Variants in PRMT3 observed in about 807,000 individuals in gnomAD.
The protein encoded by PRMT3 is protein arginine methyltransferase 3.
In PRMT3, 62 loss-of-function variants were observed where a neutral mutation model predicts 71.9. The ratio of observed to expected loss-of-function variants is 0.86; its 90% CI spans 0.70 to 1.07. The LOEUF is 1.07. Ranked by LOEUF, PRMT3 falls within the 50% of genes least tolerant of loss-of-function variation. The pLI, the probability that PRMT3 is intolerant of heterozygous loss-of-function variation, is 0.00. For missense variants in PRMT3, 663 were observed against 643.0 expected (o/e 1.03, Z -0.34); for synonymous variants, 213 against 220.4 (o/e 0.97, Z 0.30).
At chr11:20,460,945 G>C (rs1850369578) in intron 11 of PRMT3, among the ~76,000 whole-genome samples, 2 of 152,080 alleles carry the variant, frequency 1.3e-5, no homozygotes, top group African/African-American at 2.4e-5. Flanking sequence ...ATTTGTCTCT[G>C]TTTTCATCTT....
chr11:20,424,550 T>C (rs910024700), intron 9 of PRMT3, among the ~76,000 whole-genome samples: 3 of 152,062 alleles, frequency 2.0e-5, no homozygotes, highest in Non-Finnish European at 4.4e-5. Context: ...AAGATACATA[T>C]GGGAAAATTA....
At chr11:20,476,004 T>C (rs550691105) in intron 13 of PRMT3, among the ~76,000 whole-genome samples, 2 of 151,930 alleles carry the variant, frequency 1.3e-5, no homozygotes, top group Admixed American at 6.6e-5. Flanking sequence ...TAAACAAATA[T>C]TAAATGCTGA....
intron 10 of PRMT3, among the ~76,000 whole-genome samples, chr11:20,427,535 G>C (rs1228880224): frequency 6.6e-6 from 1 of 152,078 alleles, no homozygotes; most frequent in Non-Finnish European, 1.5e-5. Context: ...GACCAGCCTG[G>C]CCAACGTGAT....
chr11:20,399,871 C>T (rs971849348), intron 7 of PRMT3, among the ~76,000 whole-genome samples: 1 of 152,178 alleles, frequency 6.6e-6, no homozygotes, highest in African/African-American at 2.4e-5. Flanking sequence ...TTTCCAGTGC[C>T]ACCTTCTCCC....
chr11:20,474,506 CTG>C (rs1188070753), intron 13 of PRMT3, among the ~76,000 whole-genome samples: 3 of 152,220 alleles, frequency 2.0e-5, no homozygotes, highest in Non-Finnish European at 4.4e-5. Flanking sequence ...TCCTGAGTCT[CTG>C]TGTATGCCCC....
chr11:20,444,743 G>C (rs896317539), intron 10 of PRMT3, among the ~76,000 whole-genome samples: 1 of 151,964 alleles, frequency 6.6e-6, no homozygotes, highest in Non-Finnish European at 1.5e-5. Context: ...GGAGTGTTAC[G>C]TAATTACCAT....
At chr11:20,468,248 T>C (rs964135793) in intron 13 of PRMT3, among the ~76,000 whole-genome samples, 1 of 152,212 alleles carries the variant, frequency 6.6e-6, no homozygotes, top group East Asian at 1.9e-4. Context: ...TTAAATGCTT[T>C]TCTTCTTGTG....
In PRMT3 at chr11:20,462,022, A is replaced by T. The variant is rs1451744124; in HGVS notation, c.1115A>T (p.Asp372Val). The T allele has an allele frequency of 1.2e-6, 2 of 1,611,288 alleles. No individual in the cohort carries two copies. Among genetic ancestry groups the T allele is most frequent in the East Asian group, 4.5e-5 (2 of 44,802 alleles). ...ACTATCAGCCTTGTAGCAGTGAGTG[A>T]TGTGAATAAACATGCTGATAGAATT... ...ICTISLVAVS[D>V]VNKHADRIAF... is the part of the protein sequence containing the mutation. The change falls in exon 12 of 16, where the codon GAT (aspartate) becomes GTT (valine). Residue 372 changes from aspartate to valine, a missense_variant. Physicochemically the swap from Asp to Val is radical, Grantham distance 152. Transcript: ENST00000331079.
chr11:20,406,427 T>G (rs1236051081), intron 8 of PRMT3: 1 of 152,250 alleles, frequency 6.6e-6, no homozygotes, highest in Admixed American at 6.5e-5. Context: ...CTTATTGCAC[T>G]TAGCATAATG....
chr11:20,442,265 A>G (rs909484283), intron 10 of PRMT3, among the ~76,000 whole-genome samples: 6 of 151,972 alleles, frequency 3.9e-5, no homozygotes, highest in African/African-American at 1.2e-4. Flanking sequence ...TCTGTTACCA[A>G]CTTGACATAC....
chr11:20,508,313 TGAAAG>T lies in PRMT3; in HGVS notation c.1503_1507del (p.Lys502HisfsTer6), dbSNP rs745819992. ...TGCCTTTGTTTTACAGGTGAAGCCT[TGAAAG>T]GAAAGGTCACAGTTCACAAGAATAA... On this transcript the variant is annotated frameshift_variant, in exon 16 of 16. Transcript: ENST00000331079. LOFTEE classifies it high-confidence loss of function. The T allele has an allele frequency of 8.7e-6, 14 of 1,604,952 alleles. No individual in the cohort carries two copies. The highest frequency in any genetic ancestry group is 6.6e-5 in the South Asian group (6 of 90,818).
Position 20,397,661 on chromosome 11 carries a change from T to G in PRMT3, c.645T>G (p.Asp215Glu), listed in dbSNP as rs1565193801. 3 of 1,614,110 alleles carry G rather than the reference T, an allele frequency of 1.9e-6. No individual in the cohort carries two copies. Among genetic ancestry groups the G allele is most frequent in the Non-Finnish European group, 2.5e-6 (3 of 1,180,014 alleles). ...STSVIADLQEDEDGVYFSSYG... is the reference protein window; with the variant it reads ...STSVIADLQEEEDGVYFSSYG... The stretch of plus-strand genomic sequence containing the variant: ...GTGTCATTGCGGACCTCCAGGAGGA[T>G]GAGGATGGTGTTTATTTCAGCTCAT... The change falls in exon 7 of 16, where the codon GAT (aspartate) becomes GAG (glutamate). Residue 215 changes from aspartate to glutamate, a missense_variant. Transcript: ENST00000331079.
chr11:20,473,241 C>G (rs958866899), intron 13 of PRMT3, among the ~76,000 whole-genome samples: 2 of 151,888 alleles, frequency 1.3e-5, no homozygotes, highest in African/African-American at 4.8e-5. Context: ...CACTTCTGCT[C>G]TAATCTCGGT....
chr11:20,449,926 G>A (rs1363911553), intron 10 of PRMT3, among the ~76,000 whole-genome samples: 1 of 151,814 alleles, frequency 6.6e-6, no homozygotes, highest in Non-Finnish European at 1.5e-5. Context: ...TTTTAGTAAG[G>A]AGACAAAATA....
chr11:20,461,360 G>A (rs946539477), intron 11 of PRMT3, among the ~76,000 whole-genome samples: 1 of 152,118 alleles, frequency 6.6e-6, no homozygotes, highest in Admixed American at 6.5e-5. Context: ...GGATGCTCCT[G>A]TTCTTAGTAT....
Position 20,452,133 on chromosome 11 carries a change from T to C in PRMT3, c.997T>C (p.Tyr333His). ...VDVIISEWMG[Y>H]FLLFESMLDS... The stretch of plus-strand genomic sequence containing the variant: ...TTTTTCCCCTTTTTTTATGCAGGGC[T>C]ATTTTCTTCTGTTTGAGTCTATGTT... Residue 333 changes from tyrosine (Y) to histidine (H), a missense_variant, in exon 11 of 16, where the codon TAT becomes CAT. Physicochemically the swap from Tyr to His is moderately conservative, Grantham distance 83. Transcript: ENST00000331079. 1 of 1,602,260 alleles carries C rather than the reference T, an allele frequency of 6.2e-7. No homozygotes were observed. Among genetic ancestry groups the C allele is most frequent in the Non-Finnish European group, 8.5e-7 (1 of 1,170,174 alleles).
intron 13 of PRMT3, among the ~76,000 whole-genome samples, chr11:20,490,576 A>G (rs1441030507): frequency 6.6e-6 from 1 of 151,956 alleles, no homozygotes; most frequent in Non-Finnish European, 1.5e-5. Flanking sequence ...AAATCCTAGT[A>G]AGCTAATAAG....
At chr11:20,481,426 G>A (rs1850929516) in intron 13 of PRMT3, among the ~76,000 whole-genome samples, 1 of 152,060 alleles carries the variant, frequency 6.6e-6, no homozygotes, top group Non-Finnish European at 1.5e-5. Context: ...TAGACTGCAT[G>A]ATTGTCTTTA....
chr11:20,476,657 ATT>A (rs1555020559), intron 13 of PRMT3, among the ~76,000 whole-genome samples: 2 of 152,004 alleles, frequency 1.3e-5, no homozygotes, highest in Non-Finnish European at 1.5e-5. Flanking sequence ...TTAATTCATT[ATT>A]TCTTTTTTAC....
Sources: gnomAD v4.1 joint callset for allele counts (sites outside exome capture counted in the v4.1 genomes callset) on GRCh38, gnomAD v4.1.1 for gene constraint, MANE v1.5 for transcripts, NCBI Gene and HGNC (gene_info 2026-07-23, HGNC 2026-07-21) for gene names.